Variants in TG observed in about 807,000 individuals in gnomAD.
TG encodes the protein thyroid hormones.
TG carries 270 observed loss-of-function variants against 324.7 expected under a neutral mutation model. The ratio of observed to expected loss-of-function variants is 0.83; its 90% CI spans 0.75 to 0.92. The LOEUF is 0.92. Ranked by LOEUF, TG falls within the 40% of genes least tolerant of loss-of-function variation. The pLI is 0.00. For missense variants in TG, 3,591 were observed against 3,456.4 expected (o/e 1.04, Z -0.98); for synonymous variants, 1,401 against 1,327.0 (o/e 1.06, Z -1.21).
At chr8:133,046,074 T>A (rs1210917609) in intron 41 of TG, among the ~76,000 whole-genome samples, 2 of 152,102 alleles carry the variant, frequency 1.3e-5, no homozygotes, top group Admixed American at 1.3e-4. Context: ...CTGATATGGG[T>A]TGGTAAGAGT....
intron 41 of TG, chr8:133,059,272 T>C: frequency 2.6e-6 from 1 of 380,760 alleles, no homozygotes; most frequent in Non-Finnish European, 5.3e-6. Flanking sequence ...GCCCCCTGGC[T>C]TCCCTAACCG....
Position 132,966,111 on chromosome 8 carries a change from C to A in TG, c.5549-449C>A, listed in dbSNP as rs116054693. ...TGGCTTCAGAAGACAAAAAGAGGATCAGTGGTTCAAAGTTACAAAAAGAGG... is the reference window on the plus strand; with the variant it reads ...TGGCTTCAGAAGACAAAAAGAGGATAAGTGGTTCAAAGTTACAAAAAGAGG... On this transcript the variant is annotated intron_variant, in intron 29 of 47. Coordinates refer to ENST00000220616, the MANE Select transcript of TG (RefSeq NM_003235.5). 1.2e-3 allele frequency among the ~76,000 whole-genome samples: 180 copies of A among 152,260 alleles called. 1 individual carries two copies. Among genetic ancestry groups the A allele is most frequent in the African/African-American group, 4.3e-3 (179 of 41,548 alleles).
At chr8:133,049,875 T>G (rs2131211058) in intron 41 of TG, 1 of 1,411,502 alleles carries the variant, frequency 7.1e-7, no homozygotes, top group Non-Finnish European at 1.0e-6. Context: ...TCATGCTTAA[T>G]TGCTGCCATT....
At chr8:133,003,134 C>T in intron 35 of TG, 1 of 588,490 alleles carries the variant, frequency 1.7e-6, no homozygotes, top group Middle Eastern at 6.7e-4. Flanking sequence ...CAATTTTTAA[C>T]AGCTGAAAAT....
chr8:132,933,485 G>A (rs890811343), intron 23 of TG, 76 bp from the exon 24 acceptor site: 3 of 1,144,010 alleles, frequency 2.6e-6, no homozygotes, highest in Non-Finnish European at 4.0e-6. Flanking sequence ...TGGGGCAGGG[G>A]CAGGGGGATG....
intron 27 of TG, among the ~76,000 whole-genome samples, chr8:132,954,146 G>A (rs1237684644): frequency 6.6e-6 from 1 of 152,084 alleles, no homozygotes; most frequent in Non-Finnish European, 1.5e-5. Context: ...ATCTTGGGGT[G>A]CCAGGACCTC....
chr8:132,906,466 G>A (rs1215256710), intron 16 of TG, among the ~76,000 whole-genome samples: 1 of 152,104 alleles, frequency 6.6e-6, no homozygotes, highest in Non-Finnish European at 1.5e-5. Context: ...TTCATGCTTA[G>A]GTGTCTGTTA....
chr8:133,034,843 A>G (rs185022225), intron 41 of TG, among the ~76,000 whole-genome samples: 67 of 152,224 alleles, frequency 4.4e-4, no homozygotes, highest in Middle Eastern at 3.4e-3. Flanking sequence ...AAGGAGGACC[A>G]TACCTGCCGT....
chr8:132,894,957 C>G (rs1419207821), intron 11 of TG, among the ~76,000 whole-genome samples: 1 of 152,218 alleles, frequency 6.6e-6, no homozygotes, highest in African/African-American at 2.4e-5. Flanking sequence ...ACCAGTGGGC[C>G]TGGATGGGAA....
intron 45 of TG, among the ~76,000 whole-genome samples, chr8:133,123,513 T>A (rs929416712): frequency 1.3e-5 from 2 of 152,182 alleles, no homozygotes; most frequent in African/African-American, 4.8e-5. Context: ...CACCACCTGC[T>A]TATTCTGCTG....
chr8:133,081,172 T>C (rs1845688824), intron 41 of TG, among the ~76,000 whole-genome samples: 2 of 152,248 alleles, frequency 1.3e-5, no homozygotes, highest in Admixed American at 6.5e-5. Context: ...ACCCACCAGA[T>C]AGAGGTGCTT....
At chr8:132,878,038 C>T (rs1814081853) in intron 5 of TG, among the ~76,000 whole-genome samples, 1 of 152,108 alleles carries the variant, frequency 6.6e-6, no homozygotes, top group African/African-American at 2.4e-5. Context: ...GATTGGCCCA[C>T]ATCACTCATT....
At chr8:132,910,223 T>C (rs1435560259) in intron 18 of TG, among the ~76,000 whole-genome samples, 2 of 152,194 alleles carry the variant, frequency 1.3e-5, no homozygotes, top group African/African-American at 2.4e-5. Flanking sequence ...TCAGGCTTCA[T>C]ATGCATTGGA....
intron 43 of TG, among the ~76,000 whole-genome samples, chr8:133,100,474 G>A (rs6997874): frequency 0.28 from 42,625 of 152,116 alleles, 6,714 homozygotes; most frequent in African/African-American, 0.4. Context: ...GCACACAATA[G>A]ACATTCACTA....
intron 41 of TG, among the ~76,000 whole-genome samples, chr8:133,091,362 G>A (rs527630507): frequency 1.3e-5 from 2 of 152,196 alleles, no homozygotes; most frequent in African/African-American, 4.8e-5. Flanking sequence ...GAAGTGCAAG[G>A]CGTGCCAGGA....
intron 43 of TG, among the ~76,000 whole-genome samples, chr8:133,099,238 T>C (rs1848887658): frequency 6.6e-6 from 1 of 152,238 alleles, no homozygotes; most frequent in African/African-American, 2.4e-5. Context: ...CACAGGGCAG[T>C]GTTCCCCCAG....
intron 16 of TG, among the ~76,000 whole-genome samples, chr8:132,904,929 G>C (rs1373706009): frequency 2.0e-5 from 3 of 152,118 alleles, no homozygotes; most frequent in African/African-American, 7.2e-5. Flanking sequence ...CAAAGATAAT[G>C]GGGTTCAAAT....
chr8:132,867,131 C>A, intron 1 of TG, 64 bp downstream of exon 1: 1 of 1,423,712 alleles, frequency 7.0e-7, no homozygotes, highest in Non-Finnish European at 9.7e-7. Flanking sequence ...CAGGCTCTGC[C>A]CTGGGCCTTC....
At chr8:132,918,466 A>AAC (rs1820684292) in intron 20 of TG, among the ~76,000 whole-genome samples, 2 of 152,218 alleles carry the variant, frequency 1.3e-5, no homozygotes, top group Non-Finnish European at 2.9e-5. Context: ...CAGACCAAAA[A>AAC]ACACACTGTT....
Sources: allele counts gnomAD v4.1 joint callset (sites outside exome capture counted in the v4.1 genomes callset), GRCh38; gene constraint gnomAD v4.1.1; transcripts MANE v1.5; gene names NCBI Gene and HGNC (gene_info 2026-07-23, HGNC 2026-07-21).